SH3BP4: variants seen among roughly 807,000 people sequenced by gnomAD.
The protein encoded by SH3BP4 is SH3 domain-binding protein 4.
A neutral mutation model predicts 65.5 loss-of-function variants in SH3BP4; 33 were observed. The ratio of observed to expected loss-of-function variants is 0.50; its 90% CI spans 0.38 to 0.67. The LOEUF is 0.67. Among genes scored for constraint, SH3BP4 ranks in the 30% least tolerant of loss-of-function variants. The probability of loss-of-function intolerance (pLI) is 0.00; values close to 1 mark genes in which losing one functional copy is unlikely to be tolerated. For synonymous variants in SH3BP4, 552 were observed against 545.5 expected, an observed-to-expected ratio of 1.01 and a Z score of -0.17; for missense variants, 1,134 against 1,261.4, an observed-to-expected ratio of 0.90 and a Z score of 1.53.
intron 1 of SH3BP4, among the ~76,000 whole-genome samples, chr2:234,987,794 A>G (rs144601129): frequency 2.3e-4 from 35 of 152,278 alleles, no homozygotes; most frequent in South Asian, 6.2e-4. Flanking sequence ...TGAGTTGAAA[A>G]AGTCAAAGTC....
rs761435834 is a variant in SH3BP4 at position 235,053,716 on chromosome 2, G to A, written c.2792G>A (p.Arg931His). Residue 931 changes from arginine (R) to histidine (H), a missense_variant, in exon 6 of 6, where the codon CGC becomes CAC. Physicochemically the swap from Arg to His is conservative, Grantham distance 29. Coordinates refer to ENST00000392011, the MANE Select transcript of SH3BP4 (RefSeq NM_014521.3). Reference sequence around the variant, plus strand: ...AAGATGAAAAACCCCATCACCAAGCGCTGGAAGCACCTCACTGGGACTCTG... The same window carrying A: ...AAGATGAAAAACCCCATCACCAAGCACTGGAAGCACCTCACTGGGACTCTG... ...LDKMKNPITK[R>H]WKHLTGTLIL... The A allele has an allele frequency of 2.0e-5, 32 of 1,614,066 alleles. No homozygotes were observed. Among genetic ancestry groups the A allele is most frequent in the South Asian group, 1.8e-4 (16 of 91,086 alleles).
At chr2:235,015,940 A>G (rs1023307275) in intron 2 of SH3BP4, among the ~76,000 whole-genome samples, 1 of 151,942 alleles carries the variant, frequency 6.6e-6, no homozygotes, top group Non-Finnish European at 1.5e-5. Context: ...AAAGGTGCAA[A>G]CGATGGGCCT....
rs10188502 is a variant in SH3BP4, at chr2:234,967,105, A to G, written c.-207+14935A>G. 0.14 allele frequency among the ~76,000 whole-genome samples: 21,401 copies of G among 152,168 alleles called. 1,737 individuals carry two copies. Among genetic ancestry groups the G allele is most frequent in the East Asian group, 0.28 (1,469 of 5,164 alleles). On this transcript the variant is annotated intron_variant, in intron 1 of 5. Transcript: ENST00000392011. This position sits in a 1 kb window ranked among gnomAD's most constrained non-coding sequence, Gnocchi z 4.6. ...GGGACTCTTACTGTCTCTGTTTAAC[A>G]GATCGGGAAACTGAGGAACCATGGG...
intron 2 of SH3BP4, among the ~76,000 whole-genome samples, chr2:235,018,694 A>G (rs537913854): frequency 4.6e-5 from 7 of 152,294 alleles, no homozygotes; most frequent in Admixed American, 3.9e-4. Context: ...TTGGTGTGCA[A>G]TGCTGCCTTT....
chr2:235,010,856 C>T (rs1694467680), intron 2 of SH3BP4, among the ~76,000 whole-genome samples: 1 of 137,544 alleles, frequency 7.3e-6, no homozygotes, highest in Non-Finnish European at 1.7e-5. Context: ...CTTCCTCCCT[C>T]TCCTAGGAGA....
Position 235,054,135 on chromosome 2 carries a change from A to G in SH3BP4, c.*319A>G, listed in dbSNP as rs1420002292. ...TATCTAATTTTTTTATGGACCATAA[A>G]GGTTTAAAAGAAAATAGGGGCACAG... On this transcript the variant is annotated 3_prime_UTR_variant, in exon 6 of 6. Transcript: ENST00000392011. The G allele has an allele frequency of 7.1e-6, 2 of 280,984 alleles. No individual in the cohort carries two copies. Among genetic ancestry groups the G allele is most frequent in the Non-Finnish European group, 1.3e-5 (2 of 148,404 alleles). The allele number at this position is 280,984 out of a possible 1,614,324, so 17.4% of individuals were successfully genotyped here.
rs1695362930 is a variant in SH3BP4, at chr2:235,035,875, C to T, written c.118+755C>T. ...CACGTTCAGTCTCTCTCACATGCTC[C>T]TTTGGGGCTTGGCAGTTGCGGTGAC... is the stretch of plus-strand genomic sequence containing the variant. On this transcript the variant is annotated intron_variant, in intron 3 of 5. Transcript: ENST00000392011. This position sits in a 1 kb window ranked among gnomAD's most constrained non-coding sequence, Gnocchi z 5.0. Among the ~76,000 whole-genome samples the T allele has an allele frequency of 6.6e-6, 1 of 152,222 alleles. No individual in the cohort carries two copies. Among genetic ancestry groups the T allele is most frequent in the Admixed American group, 6.5e-5 (1 of 15,284 alleles).
chr2:235,021,517 G>A (rs1258457906), intron 2 of SH3BP4, among the ~76,000 whole-genome samples: 2 of 151,790 alleles, frequency 1.3e-5, no homozygotes, highest in African/African-American at 4.8e-5. Context: ...CAGTTAGGAG[G>A]CTGAGGCAGG....
At chr2:234,954,256 A>G (rs10929075) in intron 1 of SH3BP4, among the ~76,000 whole-genome samples, 14,725 of 152,150 alleles carry the variant, frequency 0.097, 851 homozygotes, top group East Asian at 0.22. Flanking sequence ...TCTGGGTACC[A>G]AAGGCCCAGG....
chr2:234,988,330 A>C lies in SH3BP4; in HGVS notation c.-206-6973A>C, dbSNP rs557331430. 3.0e-4 allele frequency among the ~76,000 whole-genome samples: 45 copies of C among 152,234 alleles called. 1 individual carries two copies. Among genetic ancestry groups the C allele is most frequent in the Admixed American group, 1.7e-3 (26 of 15,300 alleles). The stretch of plus-strand genomic sequence containing the variant: ...CACCTTGGCCTCCCAAAGTGCTGGG[A>C]TTACAGGCGTGAGCCACCACACCCG... On this transcript the variant is annotated intron_variant, in intron 1 of 5. Transcript: ENST00000392011.
At chr2:235,047,632 G>A (rs911452720) in intron 4 of SH3BP4, among the ~76,000 whole-genome samples, 4 of 152,238 alleles carry the variant, frequency 2.6e-5, no homozygotes, top group African/African-American at 9.6e-5. Flanking sequence ...GGAGTCAGCT[G>A]GAGATAGCCG....
At chr2:234,992,095 T>C (rs1574799254) in intron 1 of SH3BP4, among the ~76,000 whole-genome samples, 2 of 152,194 alleles carry the variant, frequency 1.3e-5, no homozygotes, top group Non-Finnish European at 2.9e-5. Context: ...TATCCAAAAA[T>C]GTGAAAATAA....
chr2:234,963,885 A>G lies in SH3BP4; in HGVS notation c.-207+11715A>G, dbSNP rs540707473. Among the ~76,000 whole-genome samples, 13 of 152,158 alleles carry G rather than the reference A, an allele frequency of 8.5e-5. No homozygotes were observed. The East Asian group carries it at 9.6e-4, about 11-fold the overall frequency. ...TAAAAGCACAGACTTGGTTTTCAGG[A>G]CCTCTGGGTTCACTAAGGGGAGAGT... On this transcript the variant is annotated intron_variant, in intron 1 of 5. Transcript: ENST00000392011.
At chr2:235,036,224 T>A (rs1695374346) in intron 3 of SH3BP4, among the ~76,000 whole-genome samples, 3 of 152,268 alleles carry the variant, frequency 2.0e-5, no homozygotes, top group Admixed American at 1.3e-4. Context: ...CTGTAAATGT[T>A]CTTTAAAAGA....
intron 2 of SH3BP4, among the ~76,000 whole-genome samples, chr2:235,012,913 C>T (rs1381921546): frequency 6.6e-6 from 1 of 152,176 alleles, no homozygotes; most frequent in African/African-American, 2.4e-5. Flanking sequence ...GTGCACAGGC[C>T]TCCAGGAGCA....
chr2:235,013,222 G>A (rs961495370), intron 2 of SH3BP4, among the ~76,000 whole-genome samples: 1 of 152,210 alleles, frequency 6.6e-6, no homozygotes, highest in Admixed American at 6.5e-5. Context: ...GGCCTCCGCT[G>A]TCCGAGTGGC....
In SH3BP4 at chr2:235,053,614, A is replaced by G; in HGVS notation, c.2690A>G (p.Asp897Gly). The G allele has an allele frequency of 6.2e-7, 1 of 1,613,954 alleles. No homozygotes were observed. The highest frequency in any genetic ancestry group is 2.2e-5 in the East Asian group (1 of 44,870). ...DSEAMWKPAY[D>G]FLLTWSHQIG... Reference sequence around the variant, plus strand: ...CAGGCCATGTGGAAGCCTGCGTATGACTTCTTACTCACCTGGAGCCATCAG... The same window carrying G: ...CAGGCCATGTGGAAGCCTGCGTATGGCTTCTTACTCACCTGGAGCCATCAG... Residue 897 changes from aspartate to glycine, a missense_variant, in exon 6 of 6, where the codon GAC becomes GGC. Coordinates refer to ENST00000392011, the MANE Select transcript of SH3BP4 (RefSeq NM_014521.3).
Position 235,041,458 on chromosome 2 carries a change from C to T in SH3BP4, c.689C>T (p.Pro230Leu), listed in dbSNP as rs546370830. Residue 230 changes from proline (P) to leucine (L), a missense_variant, in exon 4 of 6, where the codon CCG (proline) becomes CTG (leucine). Transcript: ENST00000392011. The surrounding 1 kb of genome is among the most constrained non-coding windows in gnomAD (Gnocchi z 6.0). ...LPVTNGLHAE[P>L]PVRRDNPFFR... The stretch of plus-strand genomic sequence containing the variant: ...GTCACAAACGGACTCCACGCAGAGC[C>T]GCCGGTCAGGCGGGACAACCCCTTC... The T allele has an allele frequency of 3.5e-4, 557 of 1,614,218 alleles. 5 individuals are homozygous for T. In the South Asian group the frequency reaches 5.4e-3, roughly 16 times the overall value.
chr2:234,969,946 C>T (rs1175623923), intron 1 of SH3BP4, among the ~76,000 whole-genome samples: 1 of 150,498 alleles, frequency 6.6e-6, no homozygotes. Flanking sequence ...TACACACACA[C>T]TCCCTGTCTC....
Sources: allele counts gnomAD v4.1 joint callset (sites outside exome capture counted in the v4.1 genomes callset), GRCh38; gene constraint gnomAD v4.1.1; non-coding constraint Gnocchi (gnomAD v3.1); transcripts MANE v1.5; gene names NCBI Gene and HGNC (gene_info 2026-07-23, HGNC 2026-07-21).